The following ATRX variants were observed in gnomAD, a reference collection of about 807,000 sequenced individuals.
ATRX encodes chromatin remodeler ATRX.
ATRX carries 12 observed loss-of-function variants against 172.6 expected under a neutral mutation model. The observed-to-expected ratio is 0.07, with a 90% confidence interval of 0.04 to 0.11. The LOEUF (loss-of-function observed/expected upper bound fraction) is 0.11. Ranked by LOEUF, ATRX falls within the 10% of genes least tolerant of loss-of-function variation. The pLI is 1.00. For synonymous variants in ATRX, 674 were observed against 594.7 expected (o/e 1.13, Z -1.94); for missense variants, 1,368 against 1,767.4 (o/e 0.77, Z 4.05).
At chrX:77,647,822 T>C in intron 15 of ATRX, among the ~76,000 whole-genome samples, 1 of 111,693 alleles carries the variant, frequency 9.0e-6, no homozygotes, top group Middle Eastern at 4.8e-3. Flanking sequence ...TAAAGATTAG[T>C]ACATAAATAG....
chrX:77,551,692 T>C lies in ATRX; in HGVS notation c.6699+5759A>G, dbSNP rs148848583. Among the ~76,000 whole-genome samples the C allele has an allele frequency of 5.4e-3, 605 of 111,822 alleles. 2 individuals are homozygous for C. The highest frequency in any genetic ancestry group is 0.049 in the South Asian group (132 of 2,683). ...CAGAGTGAATGGGCAACCTATAGAA[T>C]GGGAGAAAATTTTTGCAATCTACCC... is the stretch of plus-strand genomic sequence containing the variant. On this transcript the variant is annotated intron_variant, in intron 30 of 34. Coordinates refer to ENST00000373344, the MANE Select transcript of ATRX (RefSeq NM_000489.6).
chrX:77,724,949 T>C (rs190494138), intron 1 of ATRX, among the ~76,000 whole-genome samples: 1 of 112,084 alleles, frequency 8.9e-6, no homozygotes, highest in Admixed American at 9.5e-5. Flanking sequence ...CACTCATTAA[T>C]CCTTTTTATA....
chrX:77,553,573 C>T (rs1557057388), intron 30 of ATRX, among the ~76,000 whole-genome samples: 1 of 111,865 alleles, frequency 8.9e-6, no homozygotes, highest in Admixed American at 9.5e-5. Flanking sequence ...CTCACCCTTA[C>T]TCTACCAGTA....
At position 77,584,440 on chromosome X, in the gene ATRX, C is replaced by T. The variant is rs1002717741; in HGVS notation, c.6217+5394G>A. Among the ~76,000 whole-genome samples, 3 of 111,668 alleles carry T rather than the reference C, an allele frequency of 2.7e-5. No individual in the cohort carries two copies. The South Asian group carries it at 1.1e-3, about 41-fold the overall frequency. On this transcript the variant is annotated intron_variant, in intron 27 of 34. Transcript: ENST00000373344. The stretch of plus-strand genomic sequence containing the variant: ...TACTACAGAACTATAGTAACCAAAA[C>T]ACTATGGTACTGGCATAAAAACACA...
chrX:77,705,808 T>C (rs1223629374), intron 2 of ATRX, among the ~76,000 whole-genome samples: 1 of 112,262 alleles, frequency 8.9e-6, no homozygotes, highest in Non-Finnish European at 1.9e-5. Flanking sequence ...TCACACTTCC[T>C]AATTTTGCCA....
At chrX:77,649,295 A>T (rs1159629314) in intron 15 of ATRX, among the ~76,000 whole-genome samples, 1 of 112,116 alleles carries the variant, frequency 8.9e-6, no homozygotes, top group Admixed American at 9.5e-5. Flanking sequence ...TATTCAAGGA[A>T]TACAAGACAT....
chrX:77,553,494 C>T (rs2064641834), intron 30 of ATRX, among the ~76,000 whole-genome samples: 1 of 111,861 alleles, frequency 8.9e-6, no homozygotes, highest in South Asian at 3.7e-4. Flanking sequence ...TATAACACAA[C>T]TTACAAACTA....
intron 19 of ATRX, among the ~76,000 whole-genome samples, chrX:77,621,105 G>T (rs1460291200): frequency 9.0e-6 from 1 of 111,214 alleles, no homozygotes; most frequent in Admixed American, 9.5e-5. Flanking sequence ...GGTATGGAGG[G>T]TAGGGAGAAC....
intron 2 of ATRX, among the ~76,000 whole-genome samples, chrX:77,703,196 C>A (rs955004217): frequency 8.9e-6 from 1 of 112,966 alleles, no homozygotes; most frequent in African/African-American, 3.2e-5. Flanking sequence ...GAAACATCTG[C>A]GGCTGGTGGC....
rs781816426 is a variant in ATRX, at chrX:77,682,226, T to C, written c.3030A>G (p.Glu1010=). 3.2e-5 allele frequency: 39 copies of C among 1,208,119 alleles called. No individual in the cohort carries two copies. Among genetic ancestry groups the C allele is most frequent in the Non-Finnish European group, 4.3e-5 (38 of 894,093 alleles). Residue 1010 remains glutamate (E), a synonymous_variant, in exon 9 of 35, where the codon GAA becomes GAG. Coordinates refer to ENST00000373344, the MANE Select transcript of ATRX (RefSeq NM_000489.6). ...KKVIKMEQQY[E]SSSDGTEKLP... is the part of the protein sequence containing the mutation. ...ACTTTTCAGTGCCATCAGATGAAGATTCATACTGTTGTTCCATTTTAATTA... is the reference window on the plus strand; with the variant it reads ...ACTTTTCAGTGCCATCAGATGAAGACTCATACTGTTGTTCCATTTTAATTA...
chrX:77,725,120 G>C (rs1557171803), intron 1 of ATRX, among the ~76,000 whole-genome samples: 1 of 111,694 alleles, frequency 9.0e-6, no homozygotes, highest in Non-Finnish European at 1.9e-5. Context: ...CTAGATAAAA[G>C]TCCTTAAATA....
At chrX:77,754,757 GC>G (rs1557189309) in intron 1 of ATRX, among the ~76,000 whole-genome samples, 1 of 111,510 alleles carries the variant, frequency 9.0e-6, no homozygotes. Context: ...CTCTCTGGCT[GC>G]CCTTAACATT....
intron 10 of ATRX, among the ~76,000 whole-genome samples, chrX:77,666,681 G>A (rs1235287604): frequency 1.8e-5 from 2 of 111,893 alleles, no homozygotes; most frequent in African/African-American, 6.5e-5. Flanking sequence ...CCAACATGGC[G>A]AAACCCTGTC....
intron 30 of ATRX, among the ~76,000 whole-genome samples, chrX:77,536,919 T>C (rs2060313255): frequency 9.0e-6 from 1 of 111,677 alleles, no homozygotes; most frequent in South Asian, 3.7e-4. Context: ...GGTGTAGTGA[T>C]TAAGATCACA....
rs376667220 is a variant in ATRX at position 77,618,317 on chromosome X, G to A, written c.5448+489C>T. 1.1e-4 allele frequency among the ~76,000 whole-genome samples: 12 copies of A among 111,702 alleles called. No individual in the cohort carries two copies. In the East Asian group the frequency reaches 2.5e-3, roughly 24 times the overall value. ...ATTCACTGAAAATCTGTATGTAAAC[G>A]ACACCACTAGTCTGTTCAGGTTATT... is the stretch of plus-strand genomic sequence containing the variant. On this transcript the variant is annotated intron_variant, in intron 21 of 34. Transcript: ENST00000373344.
rs2148626502 is a variant in ATRX at position 77,683,975 on chromosome X, T to C, written c.1281A>G (p.Lys427=). The change falls in exon 9 of 35, where the codon AAA becomes AAG. Residue 427 remains lysine (K), a synonymous_variant. Coordinates refer to ENST00000373344, the MANE Select transcript of ATRX (RefSeq NM_000489.6). ...CTATGACTTTATGCTCTTTGGTATT[T>C]TTCTCTTTGTTTACAGCATCCATCG... is the stretch of plus-strand genomic sequence containing the variant. ...FRAMDAVNKE[K]NTKEHKVIDA... 1 of 1,210,243 alleles carries C rather than the reference T, an allele frequency of 8.3e-7. No homozygotes were observed. Among genetic ancestry groups the C allele is most frequent in the East Asian group, 3.0e-5 (1 of 33,858 alleles).
chrX:77,610,983 T>C (rs983304544), intron 22 of ATRX, among the ~76,000 whole-genome samples: 7 of 108,688 alleles, frequency 6.4e-5, no homozygotes, highest in Non-Finnish European at 7.6e-5. Flanking sequence ...ATAAACACAA[T>C]GTATATGTAT....
At chrX:77,779,091 A>ATTTTTTT (rs1169146207) in intron 1 of ATRX, among the ~76,000 whole-genome samples, 3 of 62,775 alleles carry the variant, frequency 4.8e-5, no homozygotes, top group Non-Finnish European at 8.6e-5. Context: ...CCATGCCCGG[A>ATTTTTTT]TTTTTTTTTT....
intron 2 of ATRX, among the ~76,000 whole-genome samples, chrX:77,699,727 C>T (rs2072399339): frequency 8.9e-6 from 1 of 111,749 alleles, no homozygotes; most frequent in Non-Finnish European, 1.9e-5. Context: ...ACTACTAAAA[C>T]TGACTCAAGA....
Sources: gnomAD v4.1 joint callset for allele counts (sites outside exome capture counted in the v4.1 genomes callset) on GRCh38, gnomAD v4.1.1 for gene constraint, MANE v1.5 for transcripts, NCBI Gene and HGNC (gene_info 2026-07-23, HGNC 2026-07-21) for gene names.